Variants in SPTAN1 observed in about 807,000 individuals in gnomAD.
SPTAN1 encodes spectrin alpha chain, non-erythrocytic 1.
In SPTAN1, 61 loss-of-function variants were observed where a neutral mutation model predicts 331.3. The observed-to-expected ratio is 0.18, with a 90% CI of 0.15 to 0.23. SPTAN1 has a LOEUF of 0.23. SPTAN1 is among the 10% of genes least tolerant of loss of function. The probability of loss-of-function intolerance (pLI) is 1.00; values close to 1 mark genes in which losing one functional copy is unlikely to be tolerated. For synonymous variants in SPTAN1, 1,153 were observed against 1,173.9 expected, an observed-to-expected ratio of 0.98 and a Z score of 0.36; for missense variants, 2,043 against 3,147.9, an observed-to-expected ratio of 0.65 and a Z score of 8.40.
At chr9:128,578,296 C>T in intron 9 of SPTAN1, 51 bp downstream of exon 9, 1 of 1,608,324 alleles carries the variant, frequency 6.2e-7, no homozygotes, top group Non-Finnish European at 8.5e-7. Flanking sequence ...GCTTATAATG[C>T]ACCAGTTTAT....
At position 128,587,688 on chromosome 9, in the gene SPTAN1, A is replaced by G. The variant is rs796053301; in HGVS notation, c.2861A>G (p.Gln954Arg). Reference protein sequence around the residue: ...SSIQALREQAQSCRQQVAPTD... With the variant: ...SSIQALREQARSCRQQVAPTD... ...ATCCAGGCTTTGCGAGAACAAGCAC[A>G]GTCCTGCCGGGTAAACTTGTAACAG... Residue 954 changes from glutamine to arginine, a missense_variant, in exon 20 of 57, where the codon CAG becomes CGG. By Grantham distance (43) the Gln-to-Arg change is conservative. Around this residue, in one of 12 missense-constraint regions of SPTAN1, gnomAD observed 1,038 missense variants for 1,531.5 expected, o/e 0.68. Transcript: ENST00000372739. The G allele has an allele frequency of 6.2e-7, 1 of 1,613,956 alleles. No individual in the cohort carries two copies. Among genetic ancestry groups the G allele is most frequent in the East Asian group, 2.2e-5 (1 of 44,892 alleles).
intron 27 of SPTAN1, among the ~76,000 whole-genome samples, chr9:128,603,256 G>T (rs974813663): frequency 6.6e-6 from 1 of 151,938 alleles, no homozygotes; most frequent in African/African-American, 2.4e-5. Context: ...AGTCTTTTAG[G>T]TATTTTTCTG....
intron 39 of SPTAN1, 99 bp downstream of exon 39, chr9:128,612,345 C>T (rs1050213278): frequency 1.4e-6 from 2 of 1,462,452 alleles, no homozygotes; most frequent in Non-Finnish European, 1.9e-6. Flanking sequence ...GCAGGGCTCA[C>T]CAGACACCCC....
chr9:128,558,059 T>C (rs1215519581), intron 1 of SPTAN1, among the ~76,000 whole-genome samples: 1 of 152,188 alleles, frequency 6.6e-6, no homozygotes, highest in Non-Finnish European at 1.5e-5. Flanking sequence ...TGCCTCAGCC[T>C]CCCAAAGTGC....
chr9:128,598,551 A>T, intron 25 of SPTAN1, 47 bp downstream of exon 25: 1 of 1,423,060 alleles, frequency 7.0e-7, no homozygotes, highest in African/African-American at 1.4e-5. Context: ...GTAAGGATGC[A>T]GCTTTGTTCC....
intron 45 of SPTAN1, among the ~76,000 whole-genome samples, chr9:128,622,840 C>A (rs1297279688): frequency 6.6e-6 from 1 of 151,826 alleles, no homozygotes; most frequent in Non-Finnish European, 1.5e-5. Context: ...GCCACCGCCA[C>A]CTCCTGGGTT....
chr9:128,564,515 C>T (rs981565339), intron 1 of SPTAN1, among the ~76,000 whole-genome samples: 1 of 151,630 alleles, frequency 6.6e-6, no homozygotes, highest in South Asian at 2.1e-4. Context: ...CCAGGGAGGT[C>T]GAGGTTGCAG....
chr9:128,600,661 TTTTTGTTTTG>T (rs1434359207), intron 27 of SPTAN1, among the ~76,000 whole-genome samples: 1 of 152,158 alleles, frequency 6.6e-6, no homozygotes, highest in Admixed American at 6.5e-5. Context: ...AAGGTGTGTT[TTTTTGTTTTG>T]TTTTGTTTTG....
Position 128,629,827 on chromosome 9 carries a change from C to T in SPTAN1, c.6708-494C>T, listed in dbSNP as rs1003144979. ...CACTTGTGTCCTTTGTCTGCAGGGT[C>T]GTGCTCTCATTCCCCCTAGAATGGG... On this transcript the variant is annotated intron_variant, in intron 51 of 56. Coordinates refer to ENST00000372739, the MANE Select transcript of SPTAN1 (RefSeq NM_001130438.3). This position sits in a 1 kb window ranked among gnomAD's most constrained non-coding sequence, Gnocchi z 4.9. The T allele has an allele frequency of 1.9e-5, 6 of 309,046 alleles. No individual in the cohort carries two copies. Among genetic ancestry groups the T allele is most frequent in the African/African-American group, 6.5e-5 (3 of 46,154 alleles). 19.1% of individuals were successfully genotyped at this position (309,046 alleles called of 1,614,324 possible).
chr9:128,579,411 C>T (rs76220061), intron 9 of SPTAN1, among the ~76,000 whole-genome samples: 17 of 152,286 alleles, frequency 1.1e-4, no homozygotes, highest in African/African-American at 4.1e-4. Context: ...TGACAAATGA[C>T]AGGTGACCTG....
At position 128,625,588 on chromosome 9, in the gene SPTAN1, G is replaced by A. The variant is rs1028264464; in HGVS notation, c.6070-181G>A. ...GTCAGGGAGGTGGGAGGAGGCTGCC[G>A]CAGTGATCTGCGGTCTGAAGGAGAG... is the stretch of plus-strand genomic sequence containing the variant. On this transcript the variant is annotated intron_variant, in intron 47 of 56. Coordinates refer to ENST00000372739, the MANE Select transcript of SPTAN1 (RefSeq NM_001130438.3). This position sits in a 1 kb window ranked among gnomAD's most constrained non-coding sequence, Gnocchi z 4.1. 7.2e-5 allele frequency among the ~76,000 whole-genome samples: 11 copies of A among 152,162 alleles called. No individual in the cohort carries two copies. Among genetic ancestry groups the A allele is most frequent in the African/African-American group, 2.4e-4 (10 of 41,438 alleles).
chr9:128,557,960 C>A (rs1237995027), intron 1 of SPTAN1, among the ~76,000 whole-genome samples: 1 of 152,032 alleles, frequency 6.6e-6, no homozygotes, highest in African/African-American at 2.4e-5. Context: ...CCCGCCACCA[C>A]GCCCGGCTAA....
intron 22 of SPTAN1, 44 bp from the exon 23 acceptor site, chr9:128,592,939 C>T (rs1253274186): frequency 1.9e-6 from 3 of 1,569,294 alleles, no homozygotes; most frequent in East Asian, 2.3e-5. Context: ...TGTGGATTAA[C>T]CCCACTAATT....
chr9:128,593,386 C>T (rs1305089015), intron 23 of SPTAN1: 2 of 340,522 alleles, frequency 5.9e-6, no homozygotes, highest in Non-Finnish European at 1.1e-5. Context: ...ATATGCTTCT[C>T]TTAAAGTGCT....
intron 51 of SPTAN1, 175 bp from the exon 52 acceptor site, chr9:128,630,146 T>A: frequency 2.5e-6 from 2 of 785,838 alleles, no homozygotes; most frequent in Non-Finnish European, 4.6e-6. Context: ...AAATGCTCCC[T>A]GCCATCCCTC....
intron 33 of SPTAN1, 21 bp downstream of exon 33, chr9:128,608,070 T>C: frequency 6.2e-7 from 1 of 1,614,198 alleles, no homozygotes. Context: ...TCCTGGTTTC[T>C]GACCAAGTGT....
In SPTAN1 at chr9:128,625,730, G is replaced by T. The variant is rs773465512; in HGVS notation, c.6070-39G>T. ...CCTAGGAAGAGCAAGTTCCAGTCCT[G>T]TGGAGTCACCACAAATTGGCTTGTC... On this transcript the variant is annotated intron_variant, in intron 47 of 56. Transcript: ENST00000372739. The surrounding 1 kb of genome is among the most constrained non-coding windows in gnomAD (Gnocchi z 4.1). The T allele has an allele frequency of 3.1e-6, 5 of 1,598,480 alleles. No individual in the cohort carries two copies. In the African/African-American group the frequency reaches 4.0e-5, roughly 13 times the overall value.
chr9:128,566,619 T>G, intron 1 of SPTAN1, 119 bp from the exon 2 acceptor site: 2 of 1,472,874 alleles, frequency 1.4e-6, no homozygotes, highest in Non-Finnish European at 1.9e-6. Flanking sequence ...GGCTGTCTTC[T>G]CAATTCATTT....
chr9:128,581,599 G>A (rs1475184869), intron 11 of SPTAN1, among the ~76,000 whole-genome samples, 183 bp from the exon 12 acceptor site: 2 of 152,122 alleles, frequency 1.3e-5, no homozygotes, highest in Non-Finnish European at 2.9e-5. Context: ...TCATGATATG[G>A]CTGGATTGAT....
Sources: gnomAD v4.1 joint callset for allele counts (sites outside exome capture counted in the v4.1 genomes callset) on GRCh38, gnomAD v4.1.1 for gene constraint, gnomAD v4.1.1 regional missense constraint, Gnocchi (gnomAD v3.1) non-coding constraint, MANE v1.5 for transcripts, NCBI Gene and HGNC (gene_info 2026-07-23, HGNC 2026-07-21) for gene names.